Variants in CFAP54 observed in about 807,000 individuals in gnomAD.
CFAP54 encodes cilia and flagella associated protein 54.
A neutral mutation model predicts 370.4 loss-of-function variants in CFAP54; 290 were observed. The observed-to-expected ratio is 0.78, with a 90% CI of 0.71 to 0.86. The LOEUF (loss-of-function observed/expected upper bound fraction) is 0.86. CFAP54 is among the 40% of genes least tolerant of loss of function. The probability of loss-of-function intolerance (pLI) is 0.00; values close to 1 mark genes in which losing one functional copy is unlikely to be tolerated. For synonymous variants in CFAP54, 1,206 were observed against 1,236.5 expected, an observed-to-expected ratio of 0.98 and a Z score of 0.52; for missense variants, 3,399 against 3,528.7, an observed-to-expected ratio of 0.96 and a Z score of 0.93.
chr12:96,568,270 T>TA (rs1955881646), intron 19 of CFAP54, among the ~76,000 whole-genome samples: 1 of 152,062 alleles, frequency 6.6e-6, no homozygotes, highest in Non-Finnish European at 1.5e-5. Context: ...TTCTATTTTT[T>TA]AAAAAATGAA....
At chr12:96,719,320 A>G (rs919536544) in intron 49 of CFAP54, among the ~76,000 whole-genome samples, 1 of 152,200 alleles carries the variant, frequency 6.6e-6, no homozygotes, top group Non-Finnish European at 1.5e-5. Flanking sequence ...TTCAAAATCC[A>G]TGTTCTTAAA....
intron 11 of CFAP54, among the ~76,000 whole-genome samples, 185 bp from the exon 12 acceptor site, chr12:96,535,330 A>T (rs957246045): frequency 6.6e-6 from 1 of 152,192 alleles, no homozygotes; most frequent in African/African-American, 2.4e-5. Context: ...GATGACAGGC[A>T]TAAGCCATTG....
chr12:96,705,156 G>T (rs1041264243), intron 47 of CFAP54, among the ~76,000 whole-genome samples: 18 of 152,134 alleles, frequency 1.2e-4, no homozygotes, highest in Admixed American at 1.2e-3. Context: ...AATGGGGAAG[G>T]AGTTCATAGA....
chr12:96,555,285 G>T lies in CFAP54; in HGVS notation c.2410+483G>T, dbSNP rs114195197. On this transcript the variant is annotated intron_variant, in intron 17 of 67. Transcript: ENST00000524981. ...TCAGAGATGAGTTCCTGGCAGGGGC[G>T]TGTAAAGCATTCAAATAATATTGTA... Among the ~76,000 whole-genome samples the T allele has an allele frequency of 4.2e-3, 646 of 152,052 alleles. 5 individuals carry two copies. Among genetic ancestry groups the T allele is most frequent in the African/African-American group, 0.014 (601 of 41,518 alleles).
At chr12:96,661,168 G>A (rs1445529819) in intron 38 of CFAP54, among the ~76,000 whole-genome samples, 1 of 152,124 alleles carries the variant, frequency 6.6e-6, no homozygotes, top group Non-Finnish European at 1.5e-5. Context: ...CTTCTTTGCA[G>A]AGGTTGGGGA....
At chr12:96,743,317 TC>T in intron 52 of CFAP54, 84 bp from the exon 53 acceptor site, 1 of 1,328,886 alleles carries the variant, frequency 7.5e-7, no homozygotes, top group Non-Finnish European at 1.1e-6. Context: ...ACACAATATT[TC>T]TGTGATGAAA....
Position 96,503,983 on chromosome 12 carries a change from CTA to C in CFAP54, c.522_523del (p.Thr175LeufsTer7). 1 of 1,524,064 alleles carries C rather than the reference CTA, an allele frequency of 6.6e-7. No homozygotes were observed. Among genetic ancestry groups the C allele is most frequent in the Non-Finnish European group, 8.8e-7 (1 of 1,142,734 alleles). The allele number at this position is 1,524,064 out of a possible 1,614,324, so 94.4% of individuals were successfully genotyped here. A position where few individuals can be genotyped will look rare whatever the true frequency, so the allele number is the denominator to read the frequency against. On this transcript the variant is annotated frameshift_variant, in exon 3 of 68. Coordinates refer to ENST00000524981, the MANE Select transcript of CFAP54 (RefSeq NM_001306084.2). LOFTEE classifies it high-confidence loss of function. ...AAAGTGGATGTAACTCAATTCAAAG[CTA>C]CCTTTTTCCCAAAAGGCTTTAAAGA...
chr12:96,529,694 G>T (rs1391324558), intron 9 of CFAP54, among the ~76,000 whole-genome samples: 1 of 151,828 alleles, frequency 6.6e-6, no homozygotes, highest in Non-Finnish European at 1.5e-5. Context: ...TTTTTCTGTC[G>T]ATTCATAGGA....
At chr12:96,489,967 G>A in intron 1 of CFAP54, 41 bp downstream of exon 1, 1 of 1,493,734 alleles carries the variant, frequency 6.7e-7, no homozygotes. Flanking sequence ...CCGGCCAGAG[G>A]AGGGACCCCT....
At chr12:96,608,648 G>A (rs911103446) in intron 26 of CFAP54, among the ~76,000 whole-genome samples, 1 of 151,880 alleles carries the variant, frequency 6.6e-6, no homozygotes, top group Admixed American at 6.6e-5. Flanking sequence ...TTTTAGTAGA[G>A]ACTGGGTTTC....
At chr12:96,690,848 T>A (rs1362950) in intron 43 of CFAP54, among the ~76,000 whole-genome samples, 109,074 of 151,944 alleles carry the variant, frequency 0.72, 40,054 homozygotes, top group African/African-American at 0.87. Context: ...GCTTAACATA[T>A]GATTGACCCT....
At chr12:96,756,239 G>T (rs1256675752) in intron 56 of CFAP54, among the ~76,000 whole-genome samples, 1 of 152,104 alleles carries the variant, frequency 6.6e-6, no homozygotes, top group Admixed American at 6.6e-5. Flanking sequence ...GCCAAAGAAG[G>T]CTTGCCTCAT....
At chr12:96,761,034 T>A (rs1958330708) in intron 58 of CFAP54, among the ~76,000 whole-genome samples, 1 of 152,230 alleles carries the variant, frequency 6.6e-6, no homozygotes, top group Non-Finnish European at 1.5e-5. Flanking sequence ...CTTTTGATGA[T>A]CTGTCAGATT....
chr12:96,624,257 C>T (rs141793822), intron 28 of CFAP54, among the ~76,000 whole-genome samples: 9 of 152,290 alleles, frequency 5.9e-5, no homozygotes, highest in African/African-American at 2.2e-4. Context: ...CCTCTACTCA[C>T]AGAAGCACAG....
At chr12:96,777,299 G>T (rs544871736) in intron 60 of CFAP54, among the ~76,000 whole-genome samples, 8 of 152,102 alleles carry the variant, frequency 5.3e-5, no homozygotes, top group African/African-American at 1.9e-4. Context: ...TGTGCTCAAG[G>T]GTCAGTAGTT....
At chr12:96,544,394 C>T (rs373609019) in intron 14 of CFAP54, among the ~76,000 whole-genome samples, 2 of 148,600 alleles carry the variant, frequency 1.3e-5, no homozygotes, top group South Asian at 4.2e-4. Flanking sequence ...CCGAAGCAGT[C>T]CTCAGAAAAC....
At chr12:96,687,001 A>G (rs955169915) in intron 42 of CFAP54, among the ~76,000 whole-genome samples, 2 of 152,144 alleles carry the variant, frequency 1.3e-5, no homozygotes. Context: ...GCTCCTGGTG[A>G]GAAGCTGCTT....
chr12:96,829,297 A>G (rs1480465420), intron 66 of CFAP54, among the ~76,000 whole-genome samples: 1 of 152,180 alleles, frequency 6.6e-6, no homozygotes, highest in African/African-American at 2.4e-5. Flanking sequence ...ACAAAGAACT[A>G]TAAAGAGGGT....
chr12:96,646,127 G>A (rs1220311602), intron 33 of CFAP54: 3 of 152,072 alleles, frequency 2.0e-5, no homozygotes, highest in Non-Finnish European at 4.4e-5. Flanking sequence ...AAGAGCTTCT[G>A]CACAGCAAAA....
Sources: gnomAD v4.1 joint callset for allele counts (sites outside exome capture counted in the v4.1 genomes callset) on GRCh38, gnomAD v4.1.1 for gene constraint, MANE v1.5 for transcripts, NCBI Gene and HGNC (gene_info 2026-07-23, HGNC 2026-07-21) for gene names.